The following TMEM233 variants were observed in gnomAD, a reference collection of about 807,000 sequenced individuals.
TMEM233 encodes the protein dispanin subfamily B member 2.
A neutral mutation model predicts 11.2 loss-of-function variants in TMEM233; 6 were observed. The observed-to-expected ratio is 0.54, with a 90% CI of 0.29 to 1.06. The LOEUF (loss-of-function observed/expected upper bound fraction) is 1.06, where lower values mean the gene tolerates loss of function less well. Ranked by LOEUF, TMEM233 falls within the 50% of genes least tolerant of loss-of-function variation. TMEM233 has a pLI of 0.08. For missense variants in TMEM233, 127 were observed against 144.7 expected (o/e 0.88, Z 0.63); for synonymous variants, 59 against 55.8 (o/e 1.06, Z -0.26).
chr12:119,616,490 A>C (rs1478371250), intron 1 of TMEM233, among the ~76,000 whole-genome samples: 1 of 152,214 alleles, frequency 6.6e-6, no homozygotes, highest in Non-Finnish European at 1.5e-5. Context: ...TGAAATTATG[A>C]GTGCTATAGC....
At chr12:119,609,338 A>G (rs61939362) in intron 1 of TMEM233, among the ~76,000 whole-genome samples, 5,083 of 152,340 alleles carry the variant, frequency 0.033, 121 homozygotes, top group Non-Finnish European at 0.051. Flanking sequence ...GTAGAGCATA[A>G]AAGTTTGGAA....
At chr12:119,615,852 G>T (rs993357665) in intron 1 of TMEM233, among the ~76,000 whole-genome samples, 9 of 152,100 alleles carry the variant, frequency 5.9e-5, no homozygotes, top group Non-Finnish European at 1.2e-4. Flanking sequence ...AATTTATGGG[G>T]TTACTCTGGA....
chr12:119,623,834 C>T lies in TMEM233; in HGVS notation c.187-5902C>T, dbSNP rs562003370. Among the ~76,000 whole-genome samples, 11 of 152,266 alleles carry T rather than the reference C, an allele frequency of 7.2e-5. No homozygotes were observed. In the East Asian group the frequency reaches 9.6e-4, roughly 13 times the overall value. ...AAGTGGGCGCTATTACTATTGCCCCCGATTTACAGATGAGGGCACTAAGGC... is the reference window on the plus strand; with the variant it reads ...AAGTGGGCGCTATTACTATTGCCCCTGATTTACAGATGAGGGCACTAAGGC... On this transcript the variant is annotated intron_variant, in intron 1 of 2. Transcript: ENST00000426426.
At chr12:119,599,461 A>G (rs1212159602) in intron 1 of TMEM233, among the ~76,000 whole-genome samples, 1 of 152,210 alleles carries the variant, frequency 6.6e-6, no homozygotes, top group African/African-American at 2.4e-5. Flanking sequence ...AATGAATTTA[A>G]AAGGATATAA....
intron 1 of TMEM233, among the ~76,000 whole-genome samples, chr12:119,623,864 G>T (rs550906953): frequency 1.1e-3 from 161 of 152,264 alleles, no homozygotes; most frequent in African/African-American, 3.7e-3. Flanking sequence ...TAAGGCTTAG[G>T]AAAGTTGAAA....
At chr12:119,644,146 T>C (rs773808491), downstream of TMEM233, among the ~76,000 whole-genome samples, 5 of 152,172 alleles carry the variant, frequency 3.3e-5, no homozygotes, top group African/African-American at 1.2e-4. Flanking sequence ...ATACCAGTCA[T>C]TAACAAACAG....
intron 1 of TMEM233, among the ~76,000 whole-genome samples, chr12:119,616,396 G>A (rs1489755221): frequency 6.6e-6 from 1 of 152,158 alleles, no homozygotes; most frequent in Non-Finnish European, 1.5e-5. Context: ...AGAAACTGAA[G>A]TCCCTTCATT....
intron 1 of TMEM233, among the ~76,000 whole-genome samples, chr12:119,608,083 G>A (rs1954320950): frequency 6.6e-6 from 1 of 152,180 alleles, no homozygotes; most frequent in African/African-American, 2.4e-5. Flanking sequence ...GTTAATGCTT[G>A]GAGAGTTAAC....
chr12:119,614,262 C>A (rs1282322594), intron 1 of TMEM233, among the ~76,000 whole-genome samples: 1 of 151,964 alleles, frequency 6.6e-6, no homozygotes, highest in Non-Finnish European at 1.5e-5. Flanking sequence ...CAAAAATTTG[C>A]TGGGTATGGT....
downstream of TMEM233, among the ~76,000 whole-genome samples, chr12:119,646,256 G>A (rs143092856): frequency 6.3e-3 from 958 of 152,008 alleles, 14 homozygotes; most frequent in African/African-American, 0.022. Flanking sequence ...ACGGAGTTTT[G>A]CCATGTTGGC....
chr12:119,635,556 ACC>A (rs1954956297), intron 2 of TMEM233, among the ~76,000 whole-genome samples: 1 of 152,110 alleles, frequency 6.6e-6, no homozygotes, highest in Non-Finnish European at 1.5e-5. Context: ...TCCCCCACAC[ACC>A]AAGCAATTGT....
intron 1 of TMEM233, among the ~76,000 whole-genome samples, chr12:119,599,974 T>C (rs1449515677): frequency 6.6e-6 from 1 of 152,036 alleles, no homozygotes; most frequent in Non-Finnish European, 1.5e-5. Flanking sequence ...TGGACAGAAA[T>C]CGGAGAATTT....
At position 119,629,766 on chromosome 12, in the gene TMEM233, G is replaced by A. The variant is rs752467663; in HGVS notation, c.217G>A (p.Glu73Lys). Reference protein sequence around the residue: ...SLNSYNDGDYEGARRLGRNAK... With the variant: ...SLNSYNDGDYKGARRLGRNAK... ...GAACAGCTACAACGATGGAGACTAC[G>A]AAGGAGCCAGGCGGCTTGGGCGGAA... The change falls in exon 2 of 3, where the codon GAA becomes AAA. Residue 73 changes from glutamate to lysine, a missense_variant. Coordinates refer to ENST00000426426, the MANE Select transcript of TMEM233 (RefSeq NM_001136534.3). 14 of 1,551,626 alleles carry A rather than the reference G, an allele frequency of 9.0e-6. No individual in the cohort carries two copies. Among genetic ancestry groups the A allele is most frequent in the Middle Eastern group, 1.7e-4 (1 of 5,984 alleles).
chr12:119,616,698 C>T (rs1954542695), intron 1 of TMEM233, among the ~76,000 whole-genome samples: 2 of 152,248 alleles, frequency 1.3e-5, no homozygotes, highest in South Asian at 4.1e-4. Flanking sequence ...ACCCAAATCT[C>T]AATCTTGAAT....
chr12:119,610,952 C>T (rs1319702657), intron 1 of TMEM233, among the ~76,000 whole-genome samples: 1 of 152,042 alleles, frequency 6.6e-6, no homozygotes, highest in Admixed American at 6.5e-5. Flanking sequence ...CATATATGTC[C>T]TCTTTCACTT....
chr12:119,629,342 G>A (rs1032139763), intron 1 of TMEM233, among the ~76,000 whole-genome samples: 8 of 152,248 alleles, frequency 5.3e-5, no homozygotes, highest in African/African-American at 9.6e-5. Context: ...CCCGGGAGGC[G>A]GAGGTTGCCA....
chr12:119,636,090 C>T (rs1321038655), intron 2 of TMEM233, among the ~76,000 whole-genome samples: 5 of 152,130 alleles, frequency 3.3e-5, no homozygotes, highest in Admixed American at 3.3e-4. Context: ...TTTGTCCTCC[C>T]TGGAGTCCAG....
At chr12:119,638,125 C>T (rs1310098822) in intron 2 of TMEM233, among the ~76,000 whole-genome samples, 1 of 152,186 alleles carries the variant, frequency 6.6e-6, no homozygotes, top group Non-Finnish European at 1.5e-5. Flanking sequence ...AGTAATGCTT[C>T]ACCCTAGCTA....
downstream of TMEM233, among the ~76,000 whole-genome samples, chr12:119,645,222 C>T (rs1011046844): frequency 6.9e-6 from 1 of 145,334 alleles, no homozygotes; most frequent in Non-Finnish European, 1.5e-5. Flanking sequence ...TACAGCAGGA[C>T]AGCTGCATTC....
Sources: allele counts gnomAD v4.1 joint callset (sites outside exome capture counted in the v4.1 genomes callset), GRCh38; gene constraint gnomAD v4.1.1; transcripts MANE v1.5; gene names NCBI Gene and HGNC (gene_info 2026-07-23, HGNC 2026-07-21).